The following TMEM74 variants were observed in gnomAD, a reference collection of about 807,000 sequenced individuals.
TMEM74 encodes the protein transmembrane protein 74.
Under a neutral mutation model 18.1 loss-of-function variants are expected in TMEM74, and 13 were observed. That is an observed-to-expected ratio of 0.72 (90% CI 0.47 to 1.14). The LOEUF (loss-of-function observed/expected upper bound fraction) is 1.14, where lower values mean the gene tolerates loss of function less well. TMEM74 is among the 50% of genes most tolerant of loss of function. The pLI, the probability that TMEM74 is intolerant of heterozygous loss-of-function variation, is 0.00. For missense variants in TMEM74, 372 were observed against 375.9 expected, an observed-to-expected ratio of 0.99 and a Z score of 0.09; for synonymous variants, 159 against 146.6, an observed-to-expected ratio of 1.08 and a Z score of -0.61.
chr8:108,626,357 A>G (rs1246026077), intron 2 of TMEM74, among the ~76,000 whole-genome samples: 1 of 152,024 alleles, frequency 6.6e-6, no homozygotes, highest in Non-Finnish European at 1.5e-5. Context: ...TCTTAATTTC[A>G]TTAGATTTAA....
intron 1 of TMEM74, among the ~76,000 whole-genome samples, chr8:108,754,043 C>CT (rs763760452): frequency 4.4e-4 from 67 of 151,996 alleles, no homozygotes; most frequent in Non-Finnish European, 4.1e-4. Context: ...TGAGAATTTG[C>CT]TTATCTTAAC....
At chr8:108,612,938 G>A (rs966522688) in intron 2 of TMEM74, among the ~76,000 whole-genome samples, 1 of 151,938 alleles carries the variant, frequency 6.6e-6, no homozygotes, top group Non-Finnish European at 1.5e-5. Flanking sequence ...TCTAAGTCAG[G>A]TTTTCTAGTA....
chr8:108,761,340 T>G (rs1286046002), intron 1 of TMEM74, among the ~76,000 whole-genome samples: 2 of 151,544 alleles, frequency 1.3e-5, no homozygotes, highest in African/African-American at 4.9e-5. Flanking sequence ...ATTATAAACA[T>G]TAAATATCAA....
At chr8:108,650,676 A>G (rs1469637037) in intron 2 of TMEM74, among the ~76,000 whole-genome samples, 2 of 151,840 alleles carry the variant, frequency 1.3e-5, no homozygotes, top group Non-Finnish European at 2.9e-5. Context: ...TGTTGCTTGA[A>G]TGTTTTATTC....
chr8:108,691,088 T>C (rs535811617), intron 1 of TMEM74, among the ~76,000 whole-genome samples: 4 of 152,360 alleles, frequency 2.6e-5, no homozygotes, highest in African/African-American at 9.6e-5. Flanking sequence ...AGGCTGCTTC[T>C]GTTGCTGCTA....
At chr8:108,724,992 C>A (rs1813621029) in intron 1 of TMEM74, among the ~76,000 whole-genome samples, 1 of 152,182 alleles carries the variant, frequency 6.6e-6, no homozygotes. Flanking sequence ...CCTCTGCCAA[C>A]CAGCCTGGGC....
chr8:108,710,639 C>T lies in TMEM74; in HGVS notation n.120-55202G>A, dbSNP rs141674513. On this transcript the variant is annotated intron_variant and non_coding_transcript_variant, in intron 1 of 3. Transcript: ENST00000518838. ...CTCACACTAGTTCTTCTACACTGTT[C>T]GCCTTGTCTCAGCTGCTTGAGCTGG... Among the ~76,000 whole-genome samples the T allele has an allele frequency of 1.5e-3, 221 of 152,276 alleles. 4 individuals carry two copies. The East Asian group carries it at 0.038, about 26-fold the overall frequency.
chr8:108,623,148 G>A (rs1445597530), intron 2 of TMEM74, among the ~76,000 whole-genome samples: 2 of 152,088 alleles, frequency 1.3e-5, no homozygotes, highest in East Asian at 1.9e-4. Flanking sequence ...AAATAGTTAA[G>A]TGTAAATGCT....
At chr8:108,747,466 A>G (rs1813860745) in intron 1 of TMEM74, among the ~76,000 whole-genome samples, 1 of 152,042 alleles carries the variant, frequency 6.6e-6, no homozygotes, top group African/African-American at 2.4e-5. Flanking sequence ...ATCACAGAGA[A>G]GTATGTACCA....
intron 1 of TMEM74, among the ~76,000 whole-genome samples, chr8:108,728,952 T>C (rs1487824283): frequency 6.6e-6 from 1 of 152,256 alleles, no homozygotes; most frequent in African/African-American, 2.4e-5. Flanking sequence ...TCAGATTATT[T>C]AGAAGTGCGA....
chr8:108,646,865 C>T (rs978844380), intron 2 of TMEM74, among the ~76,000 whole-genome samples: 1 of 152,132 alleles, frequency 6.6e-6, no homozygotes, highest in African/African-American at 2.4e-5. Context: ...CAAGTATGTT[C>T]TATAGAACAT....
intron 1 of TMEM74, among the ~76,000 whole-genome samples, chr8:108,697,523 C>G (rs1277482817): frequency 6.6e-6 from 1 of 152,098 alleles, no homozygotes. Context: ...CTCAAGCAAC[C>G]CTCCCCTCCT....
At chr8:108,721,794 C>G (rs1586273594) in intron 1 of TMEM74, among the ~76,000 whole-genome samples, 2 of 152,302 alleles carry the variant, frequency 1.3e-5, no homozygotes, top group Admixed American at 1.3e-4. Context: ...GCAATTCTTC[C>G]TTTCTGTTTC....
intron 1 of TMEM74, among the ~76,000 whole-genome samples, chr8:108,731,462 A>G (rs2130639322): frequency 6.6e-6 from 1 of 152,340 alleles, no homozygotes; most frequent in South Asian, 2.1e-4. Flanking sequence ...TCTGCCTGCC[A>G]AAGCATTTAA....
chr8:108,647,355 C>A lies in TMEM74; in HGVS notation n.264+7938G>T, dbSNP rs117080721. Among the ~76,000 whole-genome samples the A allele has an allele frequency of 7.7e-3, 1,168 of 152,230 alleles. 8 individuals carry two copies. The highest frequency in any genetic ancestry group is 0.014 in the Non-Finnish European group (923 of 67,998). ...TTTGGCAAATCAGCATCCTTGGCAG[C>A]AATTTGTGGATTTTGTAAATGTCAC... On this transcript the variant is annotated intron_variant and non_coding_transcript_variant, in intron 2 of 3. Transcript: ENST00000518838.
chr8:108,784,444 T>C lies in TMEM74; in HGVS notation c.655A>G (p.Lys219Glu). ...TGAGCCCCCAGCCTCGCACTCTCCT[T>C]CTCCAGGCGCTCCATCTCCCGGGCT... is the stretch of plus-strand genomic sequence containing the variant. ...VAAREMERLE[K>E]ESARLGAHLD... is the part of the protein sequence containing the mutation. The change falls in exon 2 of 2, where the codon AAG becomes GAG. Residue 219 changes from lysine to glutamate, a missense_variant. Coordinates refer to ENST00000297459, the MANE Select transcript of TMEM74 (RefSeq NM_153015.3). 1 of 1,614,088 alleles carries C rather than the reference T, an allele frequency of 6.2e-7. No homozygotes were observed. Among genetic ancestry groups the C allele is most frequent in the South Asian group, 1.1e-5 (1 of 91,078 alleles).
At chr8:108,631,975 A>G (rs1289250511) in intron 2 of TMEM74, among the ~76,000 whole-genome samples, 1 of 152,014 alleles carries the variant, frequency 6.6e-6, no homozygotes, top group African/African-American at 2.4e-5. Context: ...CCCAATTGAC[A>G]TTAGAGCTTC....
chr8:108,782,344 A>G lies in TMEM74; in HGVS notation c.*1837T>C, dbSNP rs1188204563. 6.6e-6 allele frequency among the ~76,000 whole-genome samples: 1 copy of G among 152,218 alleles called. No homozygotes were observed. The highest frequency in any genetic ancestry group is 2.1e-4 in the South Asian group (1 of 4,832). On this transcript the variant is annotated 3_prime_UTR_variant, in exon 2 of 2. Transcript: ENST00000297459. ...CAAAAATCATGTTTATGTCATCTCA[A>G]TTCTTTCTTTTCAGTAATCAGTATT...
At chr8:108,680,939 C>T (rs1043106466) in intron 1 of TMEM74, among the ~76,000 whole-genome samples, 1 of 152,074 alleles carries the variant, frequency 6.6e-6, no homozygotes, top group African/African-American at 2.4e-5. Flanking sequence ...GAATAAAATA[C>T]CTAGGAATCC....
Sources: allele counts gnomAD v4.1 joint callset (sites outside exome capture counted in the v4.1 genomes callset), GRCh38; gene constraint gnomAD v4.1.1; transcripts MANE v1.5; gene names NCBI Gene and HGNC (gene_info 2026-07-23, HGNC 2026-07-21).